PTPRD: variants seen among roughly 807,000 people sequenced by gnomAD.
PTPRD encodes protein tyrosine phosphatase receptor type D.
PTPRD carries 34 observed loss-of-function variants against 214.5 expected under a neutral mutation model. The ratio of observed to expected loss-of-function variants is 0.16; its 90% CI spans 0.12 to 0.21. The LOEUF is 0.21. PTPRD is among the 10% of genes least tolerant of loss of function. The pLI, the probability that PTPRD is intolerant of heterozygous loss-of-function variation, is 1.00. For synonymous variants in PTPRD, 1,128 were observed against 845.7 expected (o/e 1.33, Z -5.79); for missense variants, 2,545 against 2,398.7 (o/e 1.06, Z -1.27).
At chr9:8,913,049 C>T (rs10977358) in intron 11 of PTPRD, among the ~76,000 whole-genome samples, 1 of 151,918 alleles carries the variant, frequency 6.6e-6, no homozygotes, top group Non-Finnish European at 1.5e-5. Context: ...AATTTATACC[C>T]CGCCATTTTG....
chr9:9,745,941 C>T (rs2098453369), intron 6 of PTPRD, among the ~76,000 whole-genome samples: 1 of 152,018 alleles, frequency 6.6e-6, no homozygotes. Context: ...AAAATGGTAG[C>T]CCTTCTTATT....
chr9:8,974,141 G>A (rs968401615), intron 11 of PTPRD, among the ~76,000 whole-genome samples: 2 of 152,000 alleles, frequency 1.3e-5, no homozygotes, highest in African/African-American at 4.8e-5. Context: ...GTTGAGAAGG[G>A]TATTTCCTAG....
At chr9:9,545,721 G>A (rs879801354) in intron 8 of PTPRD, among the ~76,000 whole-genome samples, 1 of 151,580 alleles carries the variant, frequency 6.6e-6, no homozygotes, top group Admixed American at 6.6e-5. Flanking sequence ...TAGGTGTATT[G>A]TATATCTTGA....
At chr9:10,107,249 G>C (rs150002647) in intron 3 of PTPRD, among the ~76,000 whole-genome samples, 1 of 151,998 alleles carries the variant, frequency 6.6e-6, no homozygotes, top group African/African-American at 2.4e-5. Flanking sequence ...GTTGTGGCCA[G>C]CAACATTGTA....
At chr9:8,641,648 C>T (rs937710159) in intron 12 of PTPRD, among the ~76,000 whole-genome samples, 1 of 133,280 alleles carries the variant, frequency 7.5e-6, no homozygotes, top group Admixed American at 6.9e-5. Context: ...CTGCCAGGCT[C>T]GCTTGCCATT....
intron 5 of PTPRD, among the ~76,000 whole-genome samples, chr9:9,882,193 C>A (rs527810035): frequency 6.6e-6 from 1 of 152,018 alleles, no homozygotes; most frequent in Non-Finnish European, 1.5e-5. Flanking sequence ...TGCCCTTCAC[C>A]ACCTGAATTT....
intron 2 of PTPRD, among the ~76,000 whole-genome samples, chr9:10,453,618 T>A (rs2098870477): frequency 6.6e-6 from 1 of 151,738 alleles, no homozygotes; most frequent in South Asian, 2.1e-4. Context: ...GTTAGTGTAT[T>A]GAAATGCTAC....
chr9:10,397,830 G>C (rs575021272), intron 2 of PTPRD, among the ~76,000 whole-genome samples: 59 of 152,010 alleles, frequency 3.9e-4, no homozygotes, highest in South Asian at 1.5e-3. Flanking sequence ...ATATAGTCTA[G>C]CTGTATAGTA....
intron 3 of PTPRD, among the ~76,000 whole-genome samples, chr9:10,086,214 G>T (rs1479962184): frequency 3.9e-5 from 6 of 151,908 alleles, no homozygotes; most frequent in South Asian, 4.2e-4. Flanking sequence ...TATCATTTGT[G>T]TAACAGCGCT....
intron 3 of PTPRD, among the ~76,000 whole-genome samples, chr9:10,079,037 C>A (rs530517244): frequency 6.6e-6 from 1 of 151,976 alleles, no homozygotes; most frequent in East Asian, 2.0e-4. Flanking sequence ...CAATTATGTG[C>A]ACATAACTTT....
intron 9 of PTPRD, among the ~76,000 whole-genome samples, chr9:9,314,875 T>A (rs368593237): frequency 2.0e-5 from 3 of 152,026 alleles, no homozygotes; most frequent in Non-Finnish European, 4.4e-5. Context: ...AAGGACCTTT[T>A]TTTCCTCGTC....
intron 2 of PTPRD, among the ~76,000 whole-genome samples, chr9:10,537,092 T>C (rs1049882449): frequency 1.3e-5 from 2 of 152,126 alleles, no homozygotes; most frequent in Non-Finnish European, 1.5e-5. Flanking sequence ...TTTTTAGAGA[T>C]AAATAATTCT....
chr9:9,020,841 A>G (rs1472373315), intron 10 of PTPRD, among the ~76,000 whole-genome samples: 1 of 152,184 alleles, frequency 6.6e-6, no homozygotes, highest in Admixed American at 6.5e-5. Context: ...AAAAGCACCC[A>G]GAGTCAAGGT....
chr9:9,367,975 G>A (rs140648268), intron 9 of PTPRD, among the ~76,000 whole-genome samples: 105 of 151,856 alleles, frequency 6.9e-4, no homozygotes, highest in Middle Eastern at 3.4e-3. Flanking sequence ...GGGTGACATC[G>A]TATATGTTGA....
intron 3 of PTPRD, among the ~76,000 whole-genome samples, chr9:10,092,068 A>G (rs2098437546): frequency 6.6e-6 from 1 of 151,378 alleles, no homozygotes; most frequent in Admixed American, 6.6e-5. Flanking sequence ...TGATTAAAGG[A>G]AGAAACCATA....
chr9:9,415,764 T>G (rs1475369730), intron 8 of PTPRD, among the ~76,000 whole-genome samples: 4 of 152,168 alleles, frequency 2.6e-5, no homozygotes, highest in East Asian at 3.9e-4. Context: ...CACTGAGAGA[T>G]ATGAGTATTT....
At chr9:9,157,681 C>A (rs1413819434) in intron 10 of PTPRD, among the ~76,000 whole-genome samples, 3 of 152,112 alleles carry the variant, frequency 2.0e-5, no homozygotes, top group African/African-American at 7.2e-5. Context: ...TGAATTATAA[C>A]CAACATTTAT....
At chr9:8,776,747 T>C (rs973151414) in intron 11 of PTPRD, among the ~76,000 whole-genome samples, 2 of 149,840 alleles carry the variant, frequency 1.3e-5, no homozygotes, top group East Asian at 1.9e-4. Context: ...ATTTTTAGAA[T>C]AGGCTATTTT....
At chr9:8,457,017 T>TA (rs1301883474) in intron 33 of PTPRD, among the ~76,000 whole-genome samples, 1 of 152,202 alleles carries the variant, frequency 6.6e-6, no homozygotes, top group Non-Finnish European at 1.5e-5. Context: ...GTAACAGATA[T>TA]ACAGAATAAG....
Sources: gnomAD v4.1 joint callset for allele counts (sites outside exome capture counted in the v4.1 genomes callset) on GRCh38, gnomAD v4.1.1 for gene constraint, MANE v1.5 for transcripts, NCBI Gene and HGNC (gene_info 2026-07-23, HGNC 2026-07-21) for gene names.